Variants in YLPM1 observed in about 807,000 individuals in gnomAD.
The protein encoded by YLPM1 is YLP motif-containing protein 1.
In YLPM1, 99 loss-of-function variants were observed where a neutral mutation model predicts 230.0. The observed-to-expected ratio is 0.43, with a 90% CI of 0.37 to 0.51. YLPM1 has a LOEUF of 0.51. YLPM1 is among the 20% of genes least tolerant of loss of function. YLPM1 has a pLI of 0.00. For synonymous variants in YLPM1, 984 were observed against 942.5 expected (o/e 1.04, Z -0.81); for missense variants, 2,592 against 2,707.7 (o/e 0.96, Z 0.95).
chr14:74,784,934 C>G (rs1566744314), intron 4 of YLPM1, among the ~76,000 whole-genome samples: 1 of 152,242 alleles, frequency 6.6e-6, no homozygotes, highest in Non-Finnish European at 1.5e-5. Flanking sequence ...TCAGAATGAA[C>G]ACTTACTTCA....
At chr14:74,812,930 C>T (rs2091447950) in intron 11 of YLPM1, 148 bp downstream of exon 11, 1 of 1,073,758 alleles carries the variant, frequency 9.3e-7, no homozygotes. Flanking sequence ...ACCATATAAT[C>T]TCATAAATGG....
intron 16 of YLPM1, among the ~76,000 whole-genome samples, chr14:74,818,704 T>C (rs2091498120): frequency 6.6e-6 from 1 of 152,216 alleles, no homozygotes; most frequent in African/African-American, 2.4e-5. Flanking sequence ...ATTTCCTGAA[T>C]TAAATTTCTT....
chr14:74,830,711 T>C (rs561164108), intron 19 of YLPM1, among the ~76,000 whole-genome samples: 2 of 152,212 alleles, frequency 1.3e-5, no homozygotes, highest in Non-Finnish European at 2.9e-5. Context: ...TCAATTATGG[T>C]GGAAGACAAG....
intron 4 of YLPM1, among the ~76,000 whole-genome samples, chr14:74,784,206 A>G (rs1162616587): frequency 6.6e-6 from 1 of 152,174 alleles, no homozygotes; most frequent in Non-Finnish European, 1.5e-5. Flanking sequence ...TCATGTTAAT[A>G]TTTTCTCTCT....
At position 74,829,337 on chromosome 14, in the gene YLPM1, G is replaced by T. The variant is rs2091590638; in HGVS notation, c.6288G>T (p.Lys2096Asn). 1.9e-6 allele frequency: 3 copies of T among 1,612,824 alleles called. No homozygotes were observed. Among genetic ancestry groups the T allele is most frequent in the Non-Finnish European group, 2.5e-6 (3 of 1,179,136 alleles). Residue 2096 changes from lysine (K) to asparagine (N), a missense_variant, in exon 19 of 21, where the codon AAG (lysine) becomes AAT (asparagine). Coordinates refer to ENST00000325680, the MANE Select transcript of YLPM1 (RefSeq NM_019589.3). ...DYDTRASEPG[K>N]KRVRWADLEE... is the part of the protein sequence containing the mutation. The stretch of plus-strand genomic sequence containing the variant: ...ATACTCGTGCTTCTGAGCCTGGGAA[G>T]AAGAGGGTAAGAGACTTTGTCAATA...
chr14:74,827,065 G>C (rs927270270), intron 18 of YLPM1, among the ~76,000 whole-genome samples: 4 of 152,042 alleles, frequency 2.6e-5, no homozygotes, highest in Admixed American at 1.3e-4. Flanking sequence ...TATTTGTATA[G>C]GTGCATAATC....
chr14:74,771,710 T>G (rs1281892991), intron 1 of YLPM1, among the ~76,000 whole-genome samples: 1 of 152,160 alleles, frequency 6.6e-6, no homozygotes, highest in East Asian at 1.9e-4. Flanking sequence ...TCATAGTGAC[T>G]GAAGCCATAT....
chr14:74,829,131 C>A, intron 18 of YLPM1, 82 bp from the exon 19 acceptor site: 1 of 1,557,284 alleles, frequency 6.4e-7, no homozygotes, highest in Non-Finnish European at 8.7e-7. Context: ...TGAAAGCGTT[C>A]CAGCCTTCTT....
chr14:74,798,608 G>T lies in YLPM1; in HGVS notation c.3311G>T (p.Gly1104Val), dbSNP rs536759683. 6.2e-7 allele frequency: 1 copy of T among 1,612,552 alleles called. No homozygotes were observed. The highest frequency in any genetic ancestry group is 1.3e-5 in the African/African-American group (1 of 74,874). The part of the protein sequence containing the change: ...PGGLQGSQDR[G>V]AAGSRERGPP... The stretch of plus-strand genomic sequence containing the variant: ...GGTCTTCAAGGGAGCCAGGACAGGG[G>T]TGCAGCTGGCAGCCGAGAAAGGGGA... The change falls in exon 5 of 21, where the codon GGT becomes GTT. Residue 1104 changes from glycine (G) to valine (V), a missense_variant. Transcript: ENST00000325680.
intron 18 of YLPM1, chr14:74,827,617 T>C (rs537410925): frequency 3.0e-6 from 3 of 985,444 alleles, no homozygotes; most frequent in East Asian, 1.1e-4. Flanking sequence ...TTGTTGGAAC[T>C]GAAATATGAA....
rs139231018 is a variant in YLPM1 at position 74,763,951 on chromosome 14, T to A, written c.462T>A (p.Pro154=). 11,897 of 1,128,358 alleles carry A rather than the reference T, an allele frequency of 0.011. 76 individuals are homozygous for A. The highest frequency in any genetic ancestry group is 0.024 in the Middle Eastern group (85 of 3,586). 69.9% of individuals were successfully genotyped at this position (1,128,358 alleles called of 1,614,324 possible). Residue 154 remains proline (P), a synonymous_variant, in exon 1 of 21, where the codon CCT becomes CCA. Transcript: ENST00000325680. ...ESPPESPPVP[P]GSYMPPSQSY... ...CCCCTGAATCTCCCCCTGTGCCGCC[T>A]GGGTCCTATATGCCCCCATCTCAGT... is the stretch of plus-strand genomic sequence containing the variant.
At chr14:74,765,098 A>G (rs996524692) in intron 1 of YLPM1, among the ~76,000 whole-genome samples, 47 of 152,360 alleles carry the variant, frequency 3.1e-4, no homozygotes, top group African/African-American at 1.1e-3. Context: ...AATTTGGCCA[A>G]CGTAAAAAAA....
At chr14:74,822,857 T>C (rs2091533238) in intron 17 of YLPM1, among the ~76,000 whole-genome samples, 1 of 152,128 alleles carries the variant, frequency 6.6e-6, no homozygotes, top group African/African-American at 2.4e-5. Context: ...TAATCGTTTG[T>C]AGGGGATCAT....
chr14:74,808,679 C>T (rs1169065335), intron 6 of YLPM1, among the ~76,000 whole-genome samples: 1 of 151,896 alleles, frequency 6.6e-6, no homozygotes, highest in Admixed American at 6.6e-5. Flanking sequence ...TGGCGGGTGC[C>T]TGTAATCCCA....
intron 4 of YLPM1, among the ~76,000 whole-genome samples, chr14:74,785,505 A>C (rs1004232423): frequency 6.6e-6 from 1 of 152,192 alleles, no homozygotes; most frequent in African/African-American, 2.4e-5. Context: ...CTTTTTCTCC[A>C]GTGTAACTAG....
At chr14:74,826,128 C>T (rs535596829) in intron 18 of YLPM1, among the ~76,000 whole-genome samples, 4 of 152,102 alleles carry the variant, frequency 2.6e-5, no homozygotes, top group Admixed American at 2.0e-4. Flanking sequence ...TATTTACAGT[C>T]GGGTTTTTAT....
At chr14:74,769,891 C>G (rs2090959488) in intron 1 of YLPM1, among the ~76,000 whole-genome samples, 1 of 116,172 alleles carries the variant, frequency 8.6e-6, no homozygotes, top group Non-Finnish European at 1.7e-5. Context: ...GTTTAAAAAA[C>G]TAGCCAGGTG....
chr14:74,818,308 TGAA>T lies in YLPM1; in HGVS notation c.6027_6029del (p.Glu2010del), dbSNP rs1479537277. On this transcript the variant is annotated inframe_deletion, in exon 16 of 21. Transcript: ENST00000325680. ...GTTCTTTGCTGCAAGATGCTGCTAT[TGAA>T]GAGGTGAGTATCCTTTGGTTCAAAT... 1 of 1,597,592 alleles carries T rather than the reference TGAA, an allele frequency of 6.3e-7. No homozygotes were observed. Among genetic ancestry groups the T allele is most frequent in the Non-Finnish European group, 8.5e-7 (1 of 1,172,010 alleles).
chr14:74,832,021 T>G (rs1303649516), intron 19 of YLPM1, among the ~76,000 whole-genome samples: 3 of 152,348 alleles, frequency 2.0e-5, no homozygotes, highest in African/African-American at 4.8e-5. Context: ...ACCTTTCCCT[T>G]GTTTGTTTGC....
Sources: gnomAD v4.1 joint callset for allele counts (sites outside exome capture counted in the v4.1 genomes callset) on GRCh38, gnomAD v4.1.1 for gene constraint, MANE v1.5 for transcripts, NCBI Gene and HGNC (gene_info 2026-07-23, HGNC 2026-07-21) for gene names.